Variants in PKP4 observed in about 807,000 individuals in gnomAD.
The protein encoded by PKP4 is plakophilin 4.
Under a neutral mutation model 145.1 loss-of-function variants are expected in PKP4, and 90 were observed. The ratio of observed to expected loss-of-function variants is 0.62; its 90% CI spans 0.52 to 0.74. PKP4 has a LOEUF of 0.74. Among genes scored for constraint, PKP4 ranks in the 30% least tolerant of loss-of-function variants. PKP4 has a pLI of 0.00. For synonymous variants in PKP4, 563 were observed against 577.2 expected (o/e 0.98, Z 0.35); for missense variants, 1,340 against 1,482.7 (o/e 0.90, Z 1.58).
intron 1 of PKP4, among the ~76,000 whole-genome samples, chr2:158,499,567 A>G (rs1696249818): frequency 6.6e-6 from 1 of 152,216 alleles, no homozygotes; most frequent in African/African-American, 2.4e-5. Flanking sequence ...ATCCTGAAGG[A>G]TAATTGGGCC....
At chr2:158,496,790 G>C (rs76005848) in intron 1 of PKP4, among the ~76,000 whole-genome samples, 11 of 149,952 alleles carry the variant, frequency 7.3e-5, no homozygotes, top group Non-Finnish European at 1.2e-4. Context: ...GTGTGTGTGT[G>C]TGTGTCTGTG....
At chr2:158,515,547 G>A (rs1456146454) in intron 1 of PKP4, among the ~76,000 whole-genome samples, 1 of 151,998 alleles carries the variant, frequency 6.6e-6, no homozygotes, top group Non-Finnish European at 1.5e-5. Context: ...ATTGAAAAGA[G>A]CTTTAATTTT....
intron 3 of PKP4, among the ~76,000 whole-genome samples, chr2:158,586,502 T>G (rs2048815134): frequency 6.6e-6 from 1 of 152,256 alleles, no homozygotes; most frequent in African/African-American, 2.4e-5. Context: ...CTCCCTAACT[T>G]CATTTCTAAT....
At chr2:158,487,054 A>T (rs1694268260) in intron 1 of PKP4, among the ~76,000 whole-genome samples, 1 of 152,232 alleles carries the variant, frequency 6.6e-6, no homozygotes, top group African/African-American at 2.4e-5. Context: ...GAAACGTTAC[A>T]TCAGCATCCT....
chr2:158,504,094 A>G (rs982791904), intron 1 of PKP4, among the ~76,000 whole-genome samples: 2 of 150,668 alleles, frequency 1.3e-5, no homozygotes, highest in Non-Finnish European at 2.9e-5. Flanking sequence ...TGTTGTTCTC[A>G]TAATATTGCA....
At chr2:158,679,189 A>G (rs1283642481) in intron 21 of PKP4, 1 of 157,532 alleles carries the variant, frequency 6.3e-6, no homozygotes, top group African/African-American at 2.4e-5. Context: ...ACTGGCGGTT[A>G]TAACACACCC....
chr2:158,680,704 T>C lies in PKP4; in HGVS notation c.*27T>C. On this transcript the variant is annotated 3_prime_UTR_variant, in exon 22 of 22. Transcript: ENST00000389759. ...ATCAAGATGCCCAACAGAGGAACTC[T>C]TTCTTTCTAACCTTGTTCAGATTGA... 6.3e-7 allele frequency: 1 copy of C among 1,576,220 alleles called. No homozygotes were observed.
chr2:158,529,608 G>A (rs950392095), intron 1 of PKP4, among the ~76,000 whole-genome samples: 12 of 152,148 alleles, frequency 7.9e-5, no homozygotes, highest in Admixed American at 6.5e-5. Context: ...TCACTTAAAC[G>A]CCCTTCCTAT....
Position 158,621,021 on chromosome 2 carries a change from A to G in PKP4, c.312A>G (p.Arg104=). 2 of 1,614,124 alleles carry G rather than the reference A, an allele frequency of 1.2e-6. No homozygotes were observed. Among genetic ancestry groups the G allele is most frequent in the Non-Finnish European group, 1.7e-6 (2 of 1,179,968 alleles). Reference sequence around the variant, plus strand: ...CAAATACTGGTGTAAGCAAACCTAGAGTTTCTGACGCTGTCCAGCCCAACA... The same window carrying G: ...CAAATACTGGTGTAAGCAAACCTAGGGTTTCTGACGCTGTCCAGCCCAACA... ...DVPNTGVSKP[R]VSDAVQPNNY... Residue 104 remains arginine, a synonymous_variant, in exon 5 of 22, where the codon AGA becomes AGG. Transcript: ENST00000389759.
Position 158,662,242 on chromosome 2 carries a change from T to C in PKP4, c.2212-655T>C, listed in dbSNP as rs537262134. The stretch of plus-strand genomic sequence containing the variant: ...GGGAACAGCCAGTTTTTGAGCCTTA[T>C]TGAACCAGGAGATCTGCAGATGAAA... On this transcript the variant is annotated intron_variant, in intron 13 of 21. Coordinates refer to ENST00000389759, the MANE Select transcript of PKP4 (RefSeq NM_003628.6). 3.7e-4 allele frequency: 56 copies of C among 152,394 alleles called. 2 individuals carry two copies. The highest frequency in any genetic ancestry group is 1.3e-3 in the African/African-American group (55 of 41,542). 9.4% of individuals were successfully genotyped at this position (152,394 alleles called of 1,614,324 possible). A position where few individuals can be genotyped will look rare whatever the true frequency, so the allele number is the denominator to read the frequency against.
intron 2 of PKP4, among the ~76,000 whole-genome samples, chr2:158,535,268 C>A (rs6728605): frequency 0.21 from 31,897 of 152,056 alleles, 3,517 homozygotes; most frequent in Middle Eastern, 0.33. Context: ...AGTAAGAAAA[C>A]TAATTACCAT....
intron 3 of PKP4, among the ~76,000 whole-genome samples, chr2:158,600,073 G>A (rs939355511): frequency 5.3e-5 from 8 of 152,176 alleles, no homozygotes; most frequent in Non-Finnish European, 8.8e-5. Context: ...ATATTATGAT[G>A]AAGGCACATT....
intron 2 of PKP4, among the ~76,000 whole-genome samples, chr2:158,573,775 A>G (rs2047607292): frequency 6.6e-6 from 1 of 152,216 alleles, no homozygotes; most frequent in Non-Finnish European, 1.5e-5. Flanking sequence ...AGGATTAGGC[A>G]AGGGAGAATT....
At chr2:158,495,146 A>AGGC (rs1273536882) in intron 1 of PKP4, among the ~76,000 whole-genome samples, 2 of 152,016 alleles carry the variant, frequency 1.3e-5, no homozygotes, top group African/African-American at 2.4e-5. Flanking sequence ...TGAACCCAGG[A>AGGC]GGCGGAGGTT....
intron 4 of PKP4, among the ~76,000 whole-genome samples, chr2:158,620,255 A>G (rs899836874): frequency 4.2e-5 from 6 of 143,694 alleles, no homozygotes; most frequent in Non-Finnish European, 7.7e-5. Flanking sequence ...TCGAATTGGG[A>G]AAAGGAAGCA....
intron 1 of PKP4, among the ~76,000 whole-genome samples, chr2:158,507,210 A>G (rs1320094722): frequency 6.6e-6 from 1 of 152,076 alleles, no homozygotes; most frequent in African/African-American, 2.4e-5. Context: ...AATGACTGGT[A>G]TTACATACTG....
chr2:158,631,737 A>AT lies in PKP4; in HGVS notation c.1154-11dup, dbSNP rs764337492. 519 of 1,609,370 alleles carry AT rather than the reference A, an allele frequency of 3.2e-4. 2 individuals carry two copies. The highest frequency in any genetic ancestry group is 2.2e-5 in the Non-Finnish European group (26 of 1,175,868). On this transcript the variant is annotated splice_polypyrimidine_tract_variant and intron_variant, in intron 7 of 21. Transcript: ENST00000389759. ...GATTGTCTCAGTTCTTAACGATGTA[A>AT]TTTTTGTGCCTCTAGGCTTACGGAG...
chr2:158,578,201 T>G (rs752019875), intron 3 of PKP4: 2 of 251,268 alleles, frequency 8.0e-6, no homozygotes, highest in South Asian at 9.3e-5. Context: ...AAAAAACTTC[T>G]TAGTGAATAG....
chr2:158,661,733 T>C, intron 13 of PKP4: 1 of 277,276 alleles, frequency 3.6e-6, no homozygotes. Flanking sequence ...TGCTATTTCC[T>C]CCAATTCTGT....
Sources: gnomAD v4.1 joint callset for allele counts (sites outside exome capture counted in the v4.1 genomes callset) on GRCh38, gnomAD v4.1.1 for gene constraint, MANE v1.5 for transcripts, NCBI Gene and HGNC (gene_info 2026-07-23, HGNC 2026-07-21) for gene names.